The following SIK3 variants were observed in gnomAD, a reference collection of about 807,000 sequenced individuals.
SIK3 encodes the protein SIK family kinase 3.
A neutral mutation model predicts 144.2 loss-of-function variants in SIK3; 28 were observed. That is an observed-to-expected ratio of 0.19 (90% CI 0.14 to 0.27). The LOEUF is 0.27. Ranked by LOEUF, SIK3 falls within the 10% of genes least tolerant of loss-of-function variation. The probability of loss-of-function intolerance (pLI) is 1.00; values close to 1 mark genes in which losing one functional copy is unlikely to be tolerated. For missense variants in SIK3, 1,319 were observed against 1,776.0 expected (o/e 0.74, Z 4.62); for synonymous variants, 686 against 676.3 (o/e 1.01, Z -0.22).
chr11:117,008,329 G>A (rs1261668737), intron 1 of SIK3, among the ~76,000 whole-genome samples: 1 of 152,056 alleles, frequency 6.6e-6, no homozygotes, highest in East Asian at 1.9e-4. Flanking sequence ...TTTCATAGCT[G>A]GGGAACCTGT....
chr11:116,952,749 T>G (rs1238373203), intron 3 of SIK3, among the ~76,000 whole-genome samples: 1 of 152,216 alleles, frequency 6.6e-6, no homozygotes, highest in African/African-American at 2.4e-5. Context: ...TCCACCAGAT[T>G]TCTCCACGGA....
chr11:117,007,335 G>A (rs886947667), intron 1 of SIK3, among the ~76,000 whole-genome samples: 8 of 152,296 alleles, frequency 5.3e-5, no homozygotes, highest in South Asian at 2.1e-4. Flanking sequence ...CGAAGATCAC[G>A]CCACTGCACT....
chr11:117,080,819 G>A lies in SIK3; in HGVS notation c.273+17324C>T, dbSNP rs566390904. ...AAAAATTAGCTGGGTGTGGTGGCGC[G>A]CACCTGTAATCCCAGCTACTTGGGA... On this transcript the variant is annotated intron_variant, in intron 1 of 24. Coordinates refer to ENST00000445177, the MANE Select transcript of SIK3 (RefSeq NM_001366686.3). Among the ~76,000 whole-genome samples, 46 of 151,844 alleles carry A rather than the reference G, an allele frequency of 3.0e-4. 1 individual carries two copies. In the South Asian group the frequency reaches 8.8e-3, roughly 29 times the overall value.
intron 1 of SIK3, among the ~76,000 whole-genome samples, chr11:117,015,317 A>C (rs1951472228): frequency 1.3e-5 from 2 of 152,206 alleles, no homozygotes; most frequent in South Asian, 4.1e-4. Context: ...TTAGAAGTTG[A>C]CAACAGCAAG....
chr11:116,870,271 C>T (rs544857259), intron 14 of SIK3, 60 bp downstream of exon 14: 211 of 1,607,392 alleles, frequency 1.3e-4, no homozygotes, highest in Non-Finnish European at 1.5e-4. Context: ...GGTGACCTTT[C>T]GCTGGTTGCA....
chr11:117,013,972 C>CTTTTTTTTTTTTTTTT lies in SIK3; in HGVS notation c.274-56924_274-56909dup, dbSNP rs71037442. On this transcript the variant is annotated intron_variant, in intron 1 of 24. Coordinates refer to ENST00000445177, the MANE Select transcript of SIK3 (RefSeq NM_001366686.3). ...TGTGTTTTATTTCTTTTTTTCTTTT[C>CTTTTTTTTTTTTTTTT]TTTTTTTTTTTTTTTTTTTTTTGAG... is the stretch of plus-strand genomic sequence containing the variant. Among the ~76,000 whole-genome samples, 196 of 27,006 alleles carry CTTTTTTTTTTTTTTTT rather than the reference C, an allele frequency of 7.3e-3. 35 individuals are homozygous for CTTTTTTTTTTTTTTTT. Among genetic ancestry groups the CTTTTTTTTTTTTTTTT allele is most frequent in the Non-Finnish European group, 0.011 (147 of 13,390 alleles). The allele number at this position is 27,006 out of a possible 152,430, so 17.7% of individuals were successfully genotyped here. A position where few individuals can be genotyped will look rare whatever the true frequency, so the allele number is the denominator to read the frequency against.
chr11:116,875,419 G>A lies in SIK3; in HGVS notation c.1272C>T (p.Ser424=), dbSNP rs139407006. The A allele has an allele frequency of 1.7e-5, 28 of 1,614,166 alleles. No individual in the cohort carries two copies. Among genetic ancestry groups the A allele is most frequent in the South Asian group, 2.2e-5 (2 of 91,086 alleles). The part of the protein sequence containing the change: ...AEQAGTAMNI[S]VPQVQLINPE... ...GGTTGATCAGCTGCACCTGGGGAAC[G>A]CTGATGTTCATAGCAGTACCTGCCT... Residue 424 remains serine (S), a synonymous_variant, in exon 10 of 25, where the codon AGC becomes AGT. Coordinates refer to ENST00000445177, the MANE Select transcript of SIK3 (RefSeq NM_001366686.3).
At chr11:116,857,768 G>A in intron 21 of SIK3, 42 bp downstream of exon 21, 14 of 1,605,672 alleles carry the variant, frequency 8.7e-6, no homozygotes, top group Non-Finnish European at 1.2e-5. Context: ...CAGTTGATTA[G>A]GGCAGACTGG....
At chr11:117,086,329 A>C (rs1955002755) in intron 1 of SIK3, among the ~76,000 whole-genome samples, 1 of 152,224 alleles carries the variant, frequency 6.6e-6, no homozygotes, top group South Asian at 2.1e-4. Context: ...AAAACGAGGG[A>C]GGAGCAATTT....
chr11:117,094,624 A>G (rs1955390186), intron 1 of SIK3, among the ~76,000 whole-genome samples: 1 of 152,000 alleles, frequency 6.6e-6, no homozygotes, highest in South Asian at 2.1e-4. Flanking sequence ...TTAAAAAAGG[A>G]AAAAAAATGC....
intron 1 of SIK3, among the ~76,000 whole-genome samples, chr11:117,025,002 A>G (rs1357555544): frequency 1.3e-5 from 2 of 152,188 alleles, no homozygotes; most frequent in African/African-American, 4.8e-5. Flanking sequence ...TCAAAAGTTT[A>G]TATCAGATGT....
chr11:116,926,721 C>A (rs1403024880), intron 4 of SIK3, among the ~76,000 whole-genome samples: 2 of 152,064 alleles, frequency 1.3e-5, no homozygotes, highest in Non-Finnish European at 2.9e-5. Flanking sequence ...CCAGCTGATA[C>A]TACATTAAAA....
At chr11:117,056,100 A>AGT (rs1415202521) in intron 1 of SIK3, among the ~76,000 whole-genome samples, 1 of 152,242 alleles carries the variant, frequency 6.6e-6, no homozygotes, top group Non-Finnish European at 1.5e-5. Context: ...CCAACAGGGA[A>AGT]GTAGATATAT....
At chr11:116,860,299 T>C (rs542398107) in intron 19 of SIK3, among the ~76,000 whole-genome samples, 54 of 152,178 alleles carry the variant, frequency 3.5e-4, no homozygotes, top group African/African-American at 1.3e-3. Flanking sequence ...GATCTTACTT[T>C]TTCTCCCAAT....
chr11:116,945,380 CTTTTTT>C (rs35915801), intron 3 of SIK3, among the ~76,000 whole-genome samples: 51 of 95,392 alleles, frequency 5.3e-4, no homozygotes, highest in Non-Finnish European at 6.8e-4. Flanking sequence ...TTCATGAATT[CTTTTTT>C]TTTTTTTTTT....
At chr11:117,098,109 C>T in intron 1 of SIK3, 34 bp downstream of exon 1, 1 of 1,413,570 alleles carries the variant, frequency 7.1e-7, no homozygotes, top group South Asian at 1.3e-5. Flanking sequence ...GGCCCCGCCA[C>T]GCTCCGACTG....
At chr11:116,850,878 G>A (rs1292426153) in intron 21 of SIK3, among the ~76,000 whole-genome samples, 1 of 152,150 alleles carries the variant, frequency 6.6e-6, no homozygotes, top group Non-Finnish European at 1.5e-5. Flanking sequence ...GTGTGGTGGT[G>A]TGCACCTGTA....
chr11:116,938,132 G>A (rs1303126851), intron 3 of SIK3, among the ~76,000 whole-genome samples: 1 of 147,128 alleles, frequency 6.8e-6, no homozygotes, highest in Non-Finnish European at 1.5e-5. Context: ...TTGAACCTGG[G>A]AGGCGGAGGC....
chr11:117,012,011 C>T (rs1047352024), intron 1 of SIK3, among the ~76,000 whole-genome samples: 1 of 152,130 alleles, frequency 6.6e-6, no homozygotes, highest in African/African-American at 2.4e-5. Context: ...AACAGGATCT[C>T]ACTCTATCAC....
Sources: gnomAD v4.1 joint callset for allele counts (sites outside exome capture counted in the v4.1 genomes callset) on GRCh38, gnomAD v4.1.1 for gene constraint, MANE v1.5 for transcripts, NCBI Gene and HGNC (gene_info 2026-07-23, HGNC 2026-07-21) for gene names.